Variants in RGL1 observed in about 807,000 individuals in gnomAD.
RGL1 encodes ral guanine nucleotide dissociation stimulator like 1.
RGL1 carries 24 observed loss-of-function variants against 95.2 expected under a neutral mutation model. That is an observed-to-expected ratio of 0.25 (90% CI 0.18 to 0.35). RGL1 has a LOEUF of 0.35. Ranked by LOEUF, RGL1 falls within the 10% of genes least tolerant of loss-of-function variation. RGL1 has a pLI of 1.00. For missense variants in RGL1, 715 were observed against 936.3 expected, an observed-to-expected ratio of 0.76 and a Z score of 3.08; for synonymous variants, 329 against 344.9, an observed-to-expected ratio of 0.95 and a Z score of 0.51.
chr1:183,889,080 A>C (rs1301133811), intron 8 of RGL1, among the ~76,000 whole-genome samples: 1 of 152,140 alleles, frequency 6.6e-6, no homozygotes, highest in East Asian at 1.9e-4. Context: ...AAGTACCTGA[A>C]ATTATTAACT....
chr1:183,713,095 G>T (rs927056168), intron 1 of RGL1, among the ~76,000 whole-genome samples: 1 of 151,964 alleles, frequency 6.6e-6, no homozygotes, highest in Non-Finnish European at 1.5e-5. Context: ...GCATGATCTC[G>T]GCTAACTGCA....
intron 1 of RGL1, among the ~76,000 whole-genome samples, chr1:183,678,585 C>CTT (rs141715708): frequency 6.7e-6 from 1 of 148,928 alleles, no homozygotes; most frequent in Non-Finnish European, 1.5e-5. Context: ...TACTTTGTCT[C>CTT]TTTTTTTTTG....
chr1:183,879,780 C>T (rs1666719827), intron 4 of RGL1, among the ~76,000 whole-genome samples: 1 of 152,158 alleles, frequency 6.6e-6, no homozygotes, highest in Non-Finnish European at 1.5e-5. Flanking sequence ...TCCTTTTTAT[C>T]CTTCAGCTAT....
chr1:183,754,018 G>A (rs1170413418), intron 2 of RGL1, among the ~76,000 whole-genome samples: 1 of 151,660 alleles, frequency 6.6e-6, no homozygotes, highest in Non-Finnish European at 1.5e-5. Context: ...GTTTCTGGGA[G>A]CACTACCAAC....
intron 1 of RGL1, among the ~76,000 whole-genome samples, chr1:183,713,200 A>G (rs907561320): frequency 4.6e-5 from 7 of 151,672 alleles, no homozygotes; most frequent in African/African-American, 1.7e-4. Context: ...TAATTTTTCT[A>G]TTTTTAGTAG....
chr1:183,826,078 G>T (rs1662833861), intron 2 of RGL1, among the ~76,000 whole-genome samples: 2 of 150,508 alleles, frequency 1.3e-5, no homozygotes, highest in East Asian at 1.9e-4. Flanking sequence ...TTTTGAGACG[G>T]AGTCTCACTC....
chr1:183,860,521 C>T (rs760405824), intron 3 of RGL1, among the ~76,000 whole-genome samples: 2 of 152,134 alleles, frequency 1.3e-5, no homozygotes, highest in Non-Finnish European at 2.9e-5. Flanking sequence ...CCTTCTGCTA[C>T]TCTTCCAAGG....
At chr1:183,849,770 G>A (rs1664714461) in intron 3 of RGL1, among the ~76,000 whole-genome samples, 1 of 152,108 alleles carries the variant, frequency 6.6e-6, no homozygotes, top group African/African-American at 2.4e-5. Flanking sequence ...TTAGACTTGA[G>A]AGCCGCTGCG....
chr1:183,847,589 A>G lies in RGL1; in HGVS notation c.162A>G (p.Pro54=). 3 of 1,614,132 alleles carry G rather than the reference A, an allele frequency of 1.9e-6. No homozygotes were observed. Among genetic ancestry groups the G allele is most frequent in the Non-Finnish European group, 2.5e-6 (3 of 1,179,964 alleles). Residue 54 remains proline, a synonymous_variant, in exon 3 of 18, where the codon CCA becomes CCG. Transcript: ENST00000360851. ...AGGTTGAAGGGGACCAGCTGCCTCC[A>G]GGACACACAGTCAGTCAATATGAAA... The part of the protein sequence containing the change: ...WLGVEGDQLP[P]GHTVSQYETC...
At chr1:183,865,796 C>T (rs41263648) in intron 3 of RGL1, among the ~76,000 whole-genome samples, 200 bp from the exon 4 acceptor site, 1 of 152,138 alleles carries the variant, frequency 6.6e-6, no homozygotes, top group Non-Finnish European at 1.5e-5. Context: ...TGTTAAATGA[C>T]TTTTCTGTTT....
intron 2 of RGL1, among the ~76,000 whole-genome samples, chr1:183,833,301 A>G (rs1433880147): frequency 6.6e-6 from 1 of 152,216 alleles, no homozygotes; most frequent in African/African-American, 2.4e-5. Context: ...TTTATTAATC[A>G]ACTTCTCTGT....
chr1:183,907,019 C>A lies in RGL1; in HGVS notation c.1480C>A (p.Leu494Met). The A allele has an allele frequency of 6.2e-7, 1 of 1,605,586 alleles. No individual in the cohort carries two copies. Among genetic ancestry groups the A allele is most frequent in the Non-Finnish European group, 8.5e-7 (1 of 1,172,768 alleles). ...CCCCCTTCTCTTTCTCAGCTATGCCCTGTCATGTGAGATTGAAGCAGCTGC... is the reference window on the plus strand; with the variant it reads ...CCCCCTTCTCTTTCTCAGCTATGCCATGTCATGTGAGATTGAAGCAGCTGC... ...QLLTEEESYALSCEIEAAADA... is the reference protein window; with the variant it reads ...QLLTEEESYAMSCEIEAAADA... The change falls in exon 14 of 18, where the codon CTG becomes ATG. Residue 494 changes from leucine (L) to methionine (M), a missense_variant. Physicochemically the swap from Leu to Met is conservative, Grantham distance 15 (BLOSUM62 2). Transcript: ENST00000360851.
intron 1 of RGL1, among the ~76,000 whole-genome samples, chr1:183,805,537 G>A (rs1428579899): frequency 6.6e-6 from 1 of 152,230 alleles, no homozygotes; most frequent in Non-Finnish European, 1.5e-5. Context: ...TGCCTGTGGT[G>A]TGTCTGGGGC....
At chr1:183,752,384 G>A (rs138036811) in intron 2 of RGL1, among the ~76,000 whole-genome samples, 1,887 of 151,920 alleles carry the variant, frequency 0.012, 48 homozygotes, top group African/African-American at 0.044. Context: ...ACGCCACCAC[G>A]CCCAGCTAAT....
At chr1:183,872,491 A>G (rs900858205) in intron 4 of RGL1, among the ~76,000 whole-genome samples, 1 of 152,206 alleles carries the variant, frequency 6.6e-6, no homozygotes, top group Non-Finnish European at 1.5e-5. Flanking sequence ...ACTCTCTACC[A>G]TAGTACTACT....
chr1:183,847,401 T>C (rs1209995910), intron 2 of RGL1, among the ~76,000 whole-genome samples, 165 bp from the exon 3 acceptor site: 1 of 151,902 alleles, frequency 6.6e-6, no homozygotes, highest in African/African-American at 2.4e-5. Flanking sequence ...GCTGCAGTGA[T>C]CTGTGATCAC....
intron 3 of RGL1, among the ~76,000 whole-genome samples, chr1:183,853,503 T>C (rs1388965285): frequency 1.3e-5 from 2 of 152,030 alleles, no homozygotes; most frequent in Non-Finnish European, 2.9e-5. Flanking sequence ...ACATTCGGGG[T>C]TTTTAAAGGT....
At position 183,762,331 on chromosome 1, in the gene RGL1, T is replaced by C. The variant is rs1658715715; in HGVS notation, c.132+20042T>C. 2.6e-5 allele frequency among the ~76,000 whole-genome samples: 4 copies of C among 152,156 alleles called. 1 individual carries two copies. Among genetic ancestry groups the C allele is most frequent in the African/African-American group, 9.7e-5 (4 of 41,422 alleles). ...CACTTAGAGGCCATTGTAGGGTTAT[T>C]AATTGGCCTGATTTCAATATTGTCA... On this transcript the variant is annotated intron_variant, in intron 2 of 18. Coordinates refer to the RGL1 transcript ENST00000304685.
chr1:183,768,068 T>C (rs6664373), intron 2 of RGL1, among the ~76,000 whole-genome samples: 66,316 of 152,002 alleles, frequency 0.44, 15,607 homozygotes, highest in East Asian at 0.76. Context: ...ATATCTCAAA[T>C]TTTCTCTCAG....
Sources: allele counts gnomAD v4.1 joint callset (sites outside exome capture counted in the v4.1 genomes callset), GRCh38; gene constraint gnomAD v4.1.1; transcripts MANE v1.5; gene names NCBI Gene and HGNC (gene_info 2026-07-23, HGNC 2026-07-21).